The following MMP16 variants were observed in gnomAD, a reference collection of about 807,000 sequenced individuals.
MMP16 encodes the protein matrix metallopeptidase 16.
In MMP16, 12 loss-of-function variants were observed where a neutral mutation model predicts 67.8. The ratio of observed to expected loss-of-function variants is 0.18; its 90% CI spans 0.11 to 0.29. The LOEUF is 0.29. Ranked by LOEUF, MMP16 falls within the 10% of genes least tolerant of loss-of-function variation. The pLI is 1.00. For synonymous variants in MMP16, 249 were observed against 255.9 expected (o/e 0.97, Z 0.26); for missense variants, 475 against 765.7 (o/e 0.62, Z 4.48).
chr8:88,272,420 T>C (rs1488949106), intron 1 of MMP16, among the ~76,000 whole-genome samples: 1 of 152,168 alleles, frequency 6.6e-6, no homozygotes, highest in African/African-American at 2.4e-5. Flanking sequence ...CAGCAGAACA[T>C]CTTGAATCCT....
intron 1 of MMP16, among the ~76,000 whole-genome samples, chr8:88,228,271 A>T (rs961152168): frequency 2.0e-5 from 3 of 152,126 alleles, no homozygotes; most frequent in African/African-American, 7.2e-5. Flanking sequence ...GGAGATTATT[A>T]TAAGAAAATA....
chr8:88,057,573 A>G (rs1378731512), intron 7 of MMP16, among the ~76,000 whole-genome samples: 1 of 152,026 alleles, frequency 6.6e-6, no homozygotes, highest in South Asian at 2.1e-4. Flanking sequence ...ATATTTCAAA[A>G]CCACCCACAG....
intron 4 of MMP16, among the ~76,000 whole-genome samples, chr8:88,144,152 A>T (rs1368130641): frequency 1.3e-5 from 2 of 152,012 alleles, no homozygotes; most frequent in Non-Finnish European, 2.9e-5. Flanking sequence ...ATTAAAAAGT[A>T]CTTAATATGC....
At chr8:88,168,248 C>T (rs901025326) in intron 3 of MMP16, among the ~76,000 whole-genome samples, 4 of 152,234 alleles carry the variant, frequency 2.6e-5, no homozygotes, top group Admixed American at 2.0e-4. Context: ...ACTTTACCTT[C>T]TGAATAAGAA....
chr8:88,274,466 A>G (rs1252206180), intron 1 of MMP16, among the ~76,000 whole-genome samples: 1 of 152,094 alleles, frequency 6.6e-6, no homozygotes, highest in Non-Finnish European at 1.5e-5. Context: ...AGCTCCTTGC[A>G]TGTTCCTAAA....
intron 2 of MMP16, among the ~76,000 whole-genome samples, chr8:88,188,114 T>C (rs578194356): frequency 6.6e-6 from 1 of 152,312 alleles, no homozygotes; most frequent in Admixed American, 6.5e-5. Context: ...CTCTGTATCT[T>C]GCACAACTGG....
chr8:88,324,967 A>G (rs532945752), intron 1 of MMP16, among the ~76,000 whole-genome samples: 1 of 152,310 alleles, frequency 6.6e-6, no homozygotes, highest in African/African-American at 2.4e-5. Context: ...AAACTAAGGC[A>G]TATAATCTGC....
chr8:88,201,546 A>T (rs1020632017), intron 1 of MMP16, among the ~76,000 whole-genome samples: 1 of 152,012 alleles, frequency 6.6e-6, no homozygotes, highest in African/African-American at 2.4e-5. Flanking sequence ...TTATTTTGGG[A>T]AACAATTTTT....
intron 6 of MMP16, among the ~76,000 whole-genome samples, chr8:88,112,187 CT>C (rs60025472): frequency 0.23 from 32,032 of 141,388 alleles, 3,412 homozygotes; most frequent in Middle Eastern, 0.29. Context: ...GGCAACTATC[CT>C]TTTTTTTTTT....
intron 1 of MMP16, among the ~76,000 whole-genome samples, chr8:88,282,950 G>A (rs1470869956): frequency 6.6e-6 from 1 of 151,894 alleles, no homozygotes; most frequent in East Asian, 1.9e-4. Flanking sequence ...AATTTTTGTT[G>A]GTAATACTCT....
rs533498609 is a variant in MMP16, at chr8:88,131,662, T to G, written c.710-12801A>C. Among the ~76,000 whole-genome samples, 34 of 151,948 alleles carry G rather than the reference T, an allele frequency of 2.2e-4. No individual in the cohort carries two copies. The South Asian group carries it at 3.5e-3, about 16-fold the overall frequency. On this transcript the variant is annotated intron_variant, in intron 4 of 9. Transcript: ENST00000286614. ...AAATAGTTTCTTATTACAGTTGAAA[T>G]TACTCATTAAAAACTACCTTTCATA...
chr8:88,051,342 T>C lies in MMP16; in HGVS notation c.1374-4558A>G, dbSNP rs570693099. On this transcript the variant is annotated intron_variant, in intron 8 of 9. Coordinates refer to ENST00000286614, the MANE Select transcript of MMP16 (RefSeq NM_005941.5). ...TCGGAACACTGTGTACATCAACCAT[T>C]TGGGGGGTTTAAAATGTAGATATTT... Among the ~76,000 whole-genome samples the C allele has an allele frequency of 1.7e-4, 26 of 152,184 alleles. 1 individual carries two copies. In the South Asian group the frequency reaches 4.4e-3, roughly 25 times the overall value.
intron 4 of MMP16, among the ~76,000 whole-genome samples, chr8:88,137,363 A>T (rs1225037709): frequency 6.6e-6 from 1 of 152,012 alleles, no homozygotes; most frequent in Non-Finnish European, 1.5e-5. Flanking sequence ...TGGATAAGGA[A>T]TACCGAACCT....
intron 7 of MMP16, among the ~76,000 whole-genome samples, chr8:88,066,515 A>G (rs1223412812): frequency 6.6e-6 from 1 of 152,106 alleles, no homozygotes; most frequent in Non-Finnish European, 1.5e-5. Flanking sequence ...CTAAATATCA[A>G]ATAGAGGAAT....
In MMP16 at chr8:88,249,731, C is replaced by T. The variant is rs1179280302; in HGVS notation, c.133-52425G>A. Among the ~76,000 whole-genome samples the T allele has an allele frequency of 2.0e-5, 3 of 151,962 alleles. No homozygotes were observed. In the East Asian group the frequency reaches 5.8e-4, roughly 29 times the overall value. On this transcript the variant is annotated intron_variant, in intron 1 of 9. Transcript: ENST00000286614. ...TTAGGGAGAAGGCAGGCAAGACTAC[C>T]ACTGGCTGTAGAGCTCCACACCACA...
chr8:88,043,940 G>A (rs921551579), intron 9 of MMP16, among the ~76,000 whole-genome samples: 11 of 152,286 alleles, frequency 7.2e-5, no homozygotes, highest in African/African-American at 2.6e-4. Context: ...ATAGGTGAAT[G>A]TACTTCTTAT....
At chr8:88,186,973 A>C (rs1169693559) in intron 2 of MMP16, among the ~76,000 whole-genome samples, 1 of 152,200 alleles carries the variant, frequency 6.6e-6, no homozygotes, top group Non-Finnish European at 1.5e-5. Flanking sequence ...AATGCCACTA[A>C]GGAGTTATTC....
intron 4 of MMP16, among the ~76,000 whole-genome samples, chr8:88,124,506 C>T (rs192885164): frequency 1.3e-5 from 2 of 151,998 alleles, no homozygotes; most frequent in East Asian, 2.0e-4. Context: ...GCTAAGAAAA[C>T]GCACTTCTCC....
chr8:88,184,203 T>G (rs1235083473), intron 3 of MMP16, among the ~76,000 whole-genome samples: 3 of 152,204 alleles, frequency 2.0e-5, no homozygotes, highest in Non-Finnish European at 4.4e-5. Flanking sequence ...CTACTTGACC[T>G]ACATGCTCAC....
Sources: gnomAD v4.1 joint callset for allele counts (sites outside exome capture counted in the v4.1 genomes callset) on GRCh38, gnomAD v4.1.1 for gene constraint, MANE v1.5 for transcripts, NCBI Gene and HGNC (gene_info 2026-07-23, HGNC 2026-07-21) for gene names.